GPC6: variants seen among roughly 807,000 people sequenced by gnomAD.
The protein encoded by GPC6 is glypican-6.
A neutral mutation model predicts 55.2 loss-of-function variants in GPC6; 14 were observed. The observed-to-expected ratio is 0.25, with a 90% CI of 0.17 to 0.40. The LOEUF (loss-of-function observed/expected upper bound fraction) is 0.40. Among genes scored for constraint, GPC6 ranks in the 10% least tolerant of loss-of-function variants. The pLI is 1.00. For synonymous variants in GPC6, 278 were observed against 259.6 expected, an observed-to-expected ratio of 1.07 and a Z score of -0.68; for missense variants, 641 against 708.5, an observed-to-expected ratio of 0.90 and a Z score of 1.08.
At chr13:93,430,620 A>G (rs971425071) in intron 1 of GPC6, among the ~76,000 whole-genome samples, 15 of 152,178 alleles carry the variant, frequency 9.9e-5, no homozygotes, top group African/African-American at 3.6e-4. Flanking sequence ...ATAAGCAGCA[A>G]GCACTGGCAG....
At chr13:93,987,639 C>T (rs1190858574) in intron 3 of GPC6, among the ~76,000 whole-genome samples, 3 of 152,120 alleles carry the variant, frequency 2.0e-5, no homozygotes, top group Non-Finnish European at 4.4e-5. Flanking sequence ...GGGCAAAATG[C>T]AGTGGAGTAA....
intron 1 of GPC6, among the ~76,000 whole-genome samples, chr13:93,408,980 A>G (rs1876396374): frequency 6.6e-6 from 1 of 152,182 alleles, no homozygotes; most frequent in South Asian, 2.1e-4. Flanking sequence ...TTATACTTCA[A>G]TCTGAGGACA....
intron 4 of GPC6, among the ~76,000 whole-genome samples, chr13:94,141,745 T>A (rs1887385352): frequency 6.6e-6 from 1 of 152,030 alleles, no homozygotes; most frequent in Admixed American, 6.6e-5. Context: ...AGAATCAGAA[T>A]TTTTTTTAAC....
chr13:93,374,370 T>G (rs547473892), intron 1 of GPC6, among the ~76,000 whole-genome samples: 1 of 152,292 alleles, frequency 6.6e-6, no homozygotes, highest in East Asian at 1.9e-4. Flanking sequence ...CCCCCATCTT[T>G]GCCGCAGCTG....
At chr13:93,838,344 A>G (rs1887818509) in intron 3 of GPC6, among the ~76,000 whole-genome samples, 1 of 152,168 alleles carries the variant, frequency 6.6e-6, no homozygotes, top group African/African-American at 2.4e-5. Context: ...GACATCTTAG[A>G]GTAGGGAATC....
chr13:93,524,893 A>G (rs1446536109), intron 1 of GPC6, among the ~76,000 whole-genome samples: 1 of 152,086 alleles, frequency 6.6e-6, no homozygotes, highest in Non-Finnish European at 1.5e-5. Context: ...ATTTAGCTGT[A>G]ATAATTCTGC....
At chr13:94,179,553 G>A (rs1888910323) in intron 4 of GPC6, among the ~76,000 whole-genome samples, 1 of 151,902 alleles carries the variant, frequency 6.6e-6, no homozygotes, top group Non-Finnish European at 1.5e-5. Context: ...GGAGATGCTA[G>A]TCTCTGATAG....
At chr13:94,347,306 TAAGTGACA>T (rs992590588) in intron 6 of GPC6, among the ~76,000 whole-genome samples, 21 of 152,288 alleles carry the variant, frequency 1.4e-4, no homozygotes, top group Middle Eastern at 3.4e-3. Flanking sequence ...GGAAATAAAT[TAAGTGACA>T]AAGTCCAAAA....
intron 1 of GPC6, among the ~76,000 whole-genome samples, chr13:93,328,317 A>T (rs531614164): frequency 6.4e-4 from 97 of 152,266 alleles, no homozygotes; most frequent in African/African-American, 2.3e-3. Flanking sequence ...AGAACAAACA[A>T]AATAATTAGC....
intron 1 of GPC6, among the ~76,000 whole-genome samples, chr13:93,354,063 G>A (rs1345584335): frequency 6.6e-6 from 1 of 152,116 alleles, no homozygotes; most frequent in African/African-American, 2.4e-5. Flanking sequence ...AATCCGACAA[G>A]AACTAAGAAG....
intron 2 of GPC6, among the ~76,000 whole-genome samples, chr13:93,557,362 A>C (rs994091055): frequency 2.0e-5 from 3 of 152,180 alleles, no homozygotes; most frequent in African/African-American, 7.2e-5. Flanking sequence ...ACAGCAATAT[A>C]AATCTGAAGA....
At chr13:94,246,305 G>A (rs1223449444) in intron 4 of GPC6, among the ~76,000 whole-genome samples, 1 of 152,020 alleles carries the variant, frequency 6.6e-6, no homozygotes, top group African/African-American at 2.4e-5. Flanking sequence ...TTCTCAACCT[G>A]TAGGTTGTCT....
chr13:93,260,000 G>A (rs969496432), intron 1 of GPC6, among the ~76,000 whole-genome samples: 3 of 151,994 alleles, frequency 2.0e-5, no homozygotes, highest in African/African-American at 7.2e-5. Flanking sequence ...TTAGTTCTAG[G>A]CATTGTACAA....
chr13:93,585,801 T>C (rs2139497565), intron 2 of GPC6, among the ~76,000 whole-genome samples: 1 of 152,324 alleles, frequency 6.6e-6, no homozygotes, highest in East Asian at 1.9e-4. Flanking sequence ...ACACTAGGCC[T>C]AAACTGCATC....
In GPC6 at chr13:93,763,451, C is replaced by A. The variant is rs114332397; in HGVS notation, c.320-66703C>A. 4.9e-3 allele frequency among the ~76,000 whole-genome samples: 742 copies of A among 152,290 alleles called. 7 individuals are homozygous for A. Among genetic ancestry groups the A allele is most frequent in the African/African-American group, 0.017 (699 of 41,572 alleles). ...CAGAAGGGCTACTTGCCCCTATCCT[C>A]TCATATCATAGGACTTTGGGTAGCC... On this transcript the variant is annotated intron_variant, in intron 2 of 8. Transcript: ENST00000377047.
chr13:93,667,067 C>T (rs541512898), intron 2 of GPC6, among the ~76,000 whole-genome samples: 22 of 152,040 alleles, frequency 1.4e-4, no homozygotes, highest in South Asian at 2.1e-4. Flanking sequence ...TCTCTCCAGC[C>T]GCTGTGTCTA....
chr13:93,442,757 C>G (rs1457021787), intron 1 of GPC6, among the ~76,000 whole-genome samples: 1 of 151,914 alleles, frequency 6.6e-6, no homozygotes, highest in Non-Finnish European at 1.5e-5. Context: ...AAAATTTGAG[C>G]TTTTTCTTTT....
intron 3 of GPC6, among the ~76,000 whole-genome samples, chr13:93,898,410 A>G (rs1350727322): frequency 6.6e-6 from 1 of 152,144 alleles, no homozygotes; most frequent in East Asian, 1.9e-4. Flanking sequence ...GGAAGTATAT[A>G]AGAGTCAGGA....
In GPC6 at chr13:93,885,365, A is replaced by G. The variant is rs539535756; in HGVS notation, c.711+54820A>G. Reference sequence around the variant, plus strand: ...CAGACAAAAAGTTGTCAGGTCTGGAAACTGAGCAGTGCATATTGAACAGAG... The same window carrying G: ...CAGACAAAAAGTTGTCAGGTCTGGAGACTGAGCAGTGCATATTGAACAGAG... On this transcript the variant is annotated intron_variant, in intron 3 of 8. Transcript: ENST00000377047. Among the ~76,000 whole-genome samples the G allele has an allele frequency of 6.7e-5, 10 of 150,042 alleles. No individual in the cohort carries two copies. The South Asian group carries it at 1.9e-3, about 29-fold the overall frequency.
Sources: gnomAD v4.1 joint callset for allele counts (sites outside exome capture counted in the v4.1 genomes callset) on GRCh38, gnomAD v4.1.1 for gene constraint, MANE v1.5 for transcripts, NCBI Gene and HGNC (gene_info 2026-07-23, HGNC 2026-07-21) for gene names.